TLN2: variants seen among roughly 807,000 people sequenced by gnomAD.
The protein encoded by TLN2 is talin 2.
Under a neutral mutation model 294.7 loss-of-function variants are expected in TLN2, and 118 were observed. The observed-to-expected ratio is 0.40, with a 90% CI of 0.34 to 0.47. TLN2 has a LOEUF of 0.47. TLN2 is among the 20% of genes least tolerant of loss of function. TLN2 has a pLI of 0.84. For synonymous variants in TLN2, 1,431 were observed against 1,304.5 expected, an observed-to-expected ratio of 1.10 and a Z score of -2.09; for missense variants, 3,083 against 3,282.2, an observed-to-expected ratio of 0.94 and a Z score of 1.48.
chr15:62,584,578 C>T (rs8031461), intron 1 of TLN2, among the ~76,000 whole-genome samples: 46,647 of 152,078 alleles, frequency 0.31, 8,103 homozygotes, highest in African/African-American at 0.47. Context: ...GAGCAGAGAA[C>T]TGGGCATCTC....
intron 40 of TLN2, 101 bp downstream of exon 40, chr15:62,763,796 C>A (rs2062823211): frequency 7.1e-7 from 1 of 1,411,842 alleles, no homozygotes; most frequent in African/African-American, 1.4e-5. Context: ...CAAAATGTTT[C>A]TGTTGCTGGA....
At chr15:62,763,074 C>T (rs1389861321) in intron 39 of TLN2, among the ~76,000 whole-genome samples, 1 of 152,198 alleles carries the variant, frequency 6.6e-6, no homozygotes, top group Non-Finnish European at 1.5e-5. Context: ...AAGCTCAAAA[C>T]CACAGTTAAC....
intron 1 of TLN2, among the ~76,000 whole-genome samples, chr15:62,463,518 G>A (rs1182620816): frequency 1.3e-5 from 2 of 152,126 alleles, no homozygotes; most frequent in Non-Finnish European, 2.9e-5. Flanking sequence ...ATTTTTAAGA[G>A]TTAATCTGGA....
intron 1 of TLN2, among the ~76,000 whole-genome samples, chr15:62,499,665 G>A (rs1271354497): frequency 6.6e-6 from 1 of 152,116 alleles, no homozygotes; most frequent in Non-Finnish European, 1.5e-5. Flanking sequence ...GCGATGGCAT[G>A]ATCTTGGCTC....
At chr15:62,744,544 G>T in intron 32 of TLN2, among the ~76,000 whole-genome samples, 1 of 151,112 alleles carries the variant, frequency 6.6e-6, no homozygotes. Context: ...TTATTATTAT[G>T]TTTTTATTTA....
chr15:62,696,845 G>T (rs2058376206), intron 14 of TLN2, among the ~76,000 whole-genome samples: 1 of 152,182 alleles, frequency 6.6e-6, no homozygotes, highest in African/African-American at 2.4e-5. Context: ...AACATCCTCT[G>T]TGGTCAATGG....
chr15:62,714,996 A>G (rs1050855898), intron 22 of TLN2, among the ~76,000 whole-genome samples: 5 of 152,254 alleles, frequency 3.3e-5, no homozygotes, highest in African/African-American at 7.2e-5. Flanking sequence ...ATGAACAGAA[A>G]AAAACAAAAT....
At chr15:62,656,922 G>A (rs2053275020) in intron 8 of TLN2, among the ~76,000 whole-genome samples, 1 of 152,174 alleles carries the variant, frequency 6.6e-6, no homozygotes, top group African/African-American at 2.4e-5. Flanking sequence ...TGGCCCAGGA[G>A]GTTTGAAATG....
chr15:62,415,880 A>C (rs955178780), intron 1 of TLN2, among the ~76,000 whole-genome samples: 1 of 152,232 alleles, frequency 6.6e-6, no homozygotes, highest in Admixed American at 6.5e-5. Context: ...AGTAAATCAC[A>C]TCATAAAACT....
chr15:62,674,369 A>G (rs2055872577), intron 10 of TLN2, among the ~76,000 whole-genome samples: 1 of 152,244 alleles, frequency 6.6e-6, no homozygotes, highest in African/African-American at 2.4e-5. Context: ...GGAATCCAAG[A>G]TACCAAAGTC....
chr15:62,781,196 T>C lies in TLN2; in HGVS notation c.5571T>C (p.Thr1857=). The change falls in exon 44 of 59, where the codon ACT becomes ACC. Residue 1857 remains threonine (T), a synonymous_variant. Coordinates refer to ENST00000636159, the MANE Select transcript of TLN2 (RefSeq NM_015059.3). ...GAACATTTGTCGACTATCAGACGAC[T>C]GTGGTTAAATACTCCAAAGCCATTG... ...PKGTFVDYQT[T]VVKYSKAIAV... 6.2e-7 allele frequency: 1 copy of C among 1,614,232 alleles called. No homozygotes were observed. Among genetic ancestry groups the C allele is most frequent in the Non-Finnish European group, 8.5e-7 (1 of 1,180,042 alleles).
intron 1 of TLN2, among the ~76,000 whole-genome samples, chr15:62,555,605 C>T (rs757421010): frequency 1.3e-5 from 2 of 152,152 alleles, no homozygotes; most frequent in Non-Finnish European, 2.9e-5. Flanking sequence ...TTCTTTGTCT[C>T]TTTTTCTGGT....
chr15:62,776,923 TC>T lies in TLN2; in HGVS notation c.5514+14del. ...AGCCATGAGCAAGGTGGGCATGGGC[TC>T]TAGGGCTCTCTACTCCCTTATCTCC... is the stretch of plus-strand genomic sequence containing the variant. On this transcript the variant is annotated intron_variant, in intron 43 of 58. Transcript: ENST00000636159. 1 of 1,511,568 alleles carries T rather than the reference TC, an allele frequency of 6.6e-7. No individual in the cohort carries two copies. Among genetic ancestry groups the T allele is most frequent in the Non-Finnish European group, 8.9e-7 (1 of 1,124,068 alleles). 93.6% of individuals were successfully genotyped at this position (1,511,568 alleles called of 1,614,324 possible).
intron 1 of TLN2, among the ~76,000 whole-genome samples, chr15:62,472,783 G>A (rs748913809): frequency 4.4e-4 from 67 of 152,128 alleles, no homozygotes; most frequent in Non-Finnish European, 8.1e-4. Flanking sequence ...CTATTTCTCC[G>A]ACCGACGGAT....
Position 62,796,285 on chromosome 15 carries a change from A to G in TLN2, c.6042A>G (p.Ala2014=), listed in dbSNP as rs759351186. 21 of 1,613,640 alleles carry G rather than the reference A, an allele frequency of 1.3e-5. No individual in the cohort carries two copies. Among genetic ancestry groups the G allele is most frequent in the South Asian group, 6.6e-5 (6 of 90,966 alleles). ...ATGCAGAGAACAGTGAGACCTTCGC[A>G]GACCACAGGTACGTGGGGGTCCTGG... ...TLNAENSETF[A]DHRENILKTA... is the part of the protein sequence containing the mutation. Residue 2014 remains alanine, a synonymous_variant, in exon 47 of 59, where the codon GCA becomes GCG. Transcript: ENST00000636159.
intron 1 of TLN2, among the ~76,000 whole-genome samples, chr15:62,556,330 A>G (rs546826124): frequency 5.8e-4 from 86 of 148,180 alleles, no homozygotes; most frequent in African/African-American, 2.1e-3. Flanking sequence ...TTTCTTTTAC[A>G]GGGTCTCACT....
intron 1 of TLN2, among the ~76,000 whole-genome samples, chr15:62,519,480 G>A (rs575500738): frequency 5.3e-5 from 8 of 152,206 alleles, no homozygotes; most frequent in Non-Finnish European, 1.0e-4. Context: ...TTATTGGCTG[G>A]TGATGATGAT....
At chr15:62,792,144 A>G (rs1216205169) in intron 45 of TLN2, among the ~76,000 whole-genome samples, 1 of 152,204 alleles carries the variant, frequency 6.6e-6, no homozygotes, top group African/African-American at 2.4e-5. Flanking sequence ...TTTTGCAAGA[A>G]TCTGAACACT....
At chr15:62,754,527 C>T (rs1455754185) in intron 36 of TLN2, 3 of 152,224 alleles carry the variant, frequency 2.0e-5, no homozygotes, top group African/African-American at 7.2e-5. Flanking sequence ...GGGTCCCAGT[C>T]ACTTATTAAA....
Sources: gnomAD v4.1 joint callset for allele counts (sites outside exome capture counted in the v4.1 genomes callset) on GRCh38, gnomAD v4.1.1 for gene constraint, MANE v1.5 for transcripts, NCBI Gene and HGNC (gene_info 2026-07-23, HGNC 2026-07-21) for gene names.